Variants in AZI2 observed in about 807,000 individuals in gnomAD.
The protein encoded by AZI2 is 5-azacytidine-induced protein 2.
In AZI2, 22 loss-of-function variants were observed where a neutral mutation model predicts 45.8. That is an observed-to-expected ratio of 0.48 (90% CI 0.34 to 0.69). The LOEUF (loss-of-function observed/expected upper bound fraction) is 0.69. AZI2 is among the 30% of genes least tolerant of loss of function. The pLI is 0.01. For synonymous variants in AZI2, 137 were observed against 156.7 expected (o/e 0.87, Z 0.94); for missense variants, 417 against 441.5 (o/e 0.94, Z 0.50).
intron 4 of AZI2, among the ~76,000 whole-genome samples, chr3:28,337,396 C>T (rs1295456978): frequency 1.3e-5 from 2 of 152,104 alleles, no homozygotes; most frequent in Admixed American, 1.3e-4. Context: ...TAAGAGATTG[C>T]ATCTCAATCT....
intron 7 of AZI2, among the ~76,000 whole-genome samples, chr3:28,325,686 T>C (rs2125636960): frequency 6.6e-6 from 1 of 151,240 alleles, no homozygotes; most frequent in East Asian, 1.9e-4. Flanking sequence ...GGTAGTTCTA[T>C]TTATCATGTA....
Position 28,323,419 on chromosome 3 carries a change from A to T in AZI2, c.*623T>A, listed in dbSNP as rs1282214454. The T allele has an allele frequency of 6.7e-6, 1 of 148,398 alleles. No homozygotes were observed. Among genetic ancestry groups the T allele is most frequent in the Admixed American group, 6.8e-5 (1 of 14,718 alleles). 9.2% of individuals were successfully genotyped at this position (148,398 alleles called of 1,614,324 possible). On this transcript the variant is annotated 3_prime_UTR_variant, in exon 8 of 8. Coordinates refer to ENST00000479665, the MANE Select transcript of AZI2 (RefSeq NM_022461.5). ...TGCTGGGACAAAGTTGGCTTCAGTG[A>T]TCAGGTTGTTTCAAGTCTTAGAATT...
intron 4 of AZI2, among the ~76,000 whole-genome samples, chr3:28,337,661 T>A (rs908383867): frequency 6.6e-6 from 1 of 152,178 alleles, no homozygotes; most frequent in South Asian, 2.1e-4. Context: ...TACTTCTTGC[T>A]TCTGGGCTTC....
intron 5 of AZI2, 129 bp downstream of exon 5, chr3:28,336,608 A>C: frequency 9.8e-7 from 1 of 1,020,680 alleles, no homozygotes; most frequent in Admixed American, 3.2e-5. Flanking sequence ...AGAATTTTTT[A>C]AGGAATAGAA....
chr3:28,341,899 G>C (rs980766573), intron 1 of AZI2, among the ~76,000 whole-genome samples: 3 of 152,020 alleles, frequency 2.0e-5, no homozygotes, highest in African/African-American at 4.8e-5. Flanking sequence ...AAGAAACTGA[G>C]GTAGGAGGAA....
intron 7 of AZI2, chr3:28,324,951 G>A (rs1703328456): frequency 6.6e-6 from 1 of 150,918 alleles, no homozygotes; most frequent in African/African-American, 2.4e-5. Context: ...TCCACAGGCA[G>A]TCCAAAAGCA....
intron 1 of AZI2, among the ~76,000 whole-genome samples, chr3:28,347,520 C>T (rs1312355254): frequency 2.6e-5 from 4 of 151,990 alleles, no homozygotes; most frequent in Admixed American, 2.0e-4. Flanking sequence ...TGCTTTGGTG[C>T]CTTAGAGTAT....
At chr3:28,340,721 G>A (rs1334101838) in intron 1 of AZI2, 99 bp from the exon 2 acceptor site, 2 of 938,830 alleles carry the variant, frequency 2.1e-6, no homozygotes, top group East Asian at 2.6e-5. Context: ...CTAGGACAAT[G>A]TTTAAAAACC....
At chr3:28,336,153 T>G (rs937055792) in intron 5 of AZI2, among the ~76,000 whole-genome samples, 1 of 152,054 alleles carries the variant, frequency 6.6e-6, no homozygotes, top group Non-Finnish European at 1.5e-5. Context: ...GTTTTAGTGG[T>G]TGACTTCAGG....
chr3:28,342,711 G>GCACACA (rs71087691), intron 1 of AZI2, among the ~76,000 whole-genome samples: 240 of 147,582 alleles, frequency 1.6e-3, no homozygotes, highest in African/African-American at 5.3e-3. Context: ...TCTTACACAT[G>GCACACA]CACACACACA....
In AZI2 at chr3:28,342,940, T is replaced by C. The variant is rs907559561; in HGVS notation, c.-5-2318A>G. Reference sequence around the variant, plus strand: ...AGACAGCTGAAAACAAGAAATAACATAAACTGCTCTGCGAAGTCAAAAACA... The same window carrying C: ...AGACAGCTGAAAACAAGAAATAACACAAACTGCTCTGCGAAGTCAAAAACA... On this transcript the variant is annotated intron_variant, in intron 1 of 7. Coordinates refer to ENST00000479665, the MANE Select transcript of AZI2 (RefSeq NM_022461.5). Among the ~76,000 whole-genome samples the C allele has an allele frequency of 4.6e-5, 7 of 152,156 alleles. No individual in the cohort carries two copies. In the East Asian group the frequency reaches 1.2e-3, roughly 25 times the overall value.
chr3:28,336,804 T>G lies in AZI2; in HGVS notation c.521A>C (p.Gln174Pro). The change falls in exon 5 of 8, where the codon CAA becomes CCA. Residue 174 changes from glutamine to proline, a missense_variant. Coordinates refer to ENST00000479665, the MANE Select transcript of AZI2 (RefSeq NM_022461.5). Reference protein sequence around the residue: ...SCDLKIHGLEQELELMRKECS... With the variant: ...SCDLKIHGLEPELELMRKECS... ...TTCTTTCCTCATCAGTTCCAGCTCT[T>G]GTTCCAAACCATGGATCTTCAGGTC... 1 of 1,613,516 alleles carries G rather than the reference T, an allele frequency of 6.2e-7. No homozygotes were observed. Among genetic ancestry groups the G allele is most frequent in the East Asian group, 2.2e-5 (1 of 44,822 alleles).
chr3:28,345,915 A>T (rs1445537602), intron 1 of AZI2, among the ~76,000 whole-genome samples: 1 of 152,042 alleles, frequency 6.6e-6, no homozygotes, highest in African/African-American at 2.4e-5. Flanking sequence ...CATCATCTTT[A>T]TATCTGCCAT....
At chr3:28,339,781 C>T (rs1021567452) in intron 2 of AZI2, among the ~76,000 whole-genome samples, 1 of 151,996 alleles carries the variant, frequency 6.6e-6, no homozygotes, top group Non-Finnish European at 1.5e-5. Context: ...AACTTTAAAA[C>T]TCAAAAATAA....
intron 1 of AZI2, among the ~76,000 whole-genome samples, chr3:28,347,075 C>T (rs1577147204): frequency 6.6e-6 from 1 of 152,116 alleles, no homozygotes; most frequent in Non-Finnish European, 1.5e-5. Flanking sequence ...AGTAATACCT[C>T]TAATGCAACT....
chr3:28,324,271 T>A lies in AZI2; in HGVS notation c.950A>T (p.Gln317Leu). The A allele has an allele frequency of 6.2e-7, 1 of 1,609,190 alleles. No homozygotes were observed. Among genetic ancestry groups the A allele is most frequent in the East Asian group, 2.2e-5 (1 of 44,786 alleles). ...VKVLSEKAILQSWTDNERSIP... is the reference protein window; with the variant it reads ...VKVLSEKAILLSWTDNERSIP... The stretch of plus-strand genomic sequence containing the variant: ...GGATCTCTCATTGTCTGTCCATGAT[T>A]GGAGGATTGCTTTCTCTGATAAAAC... Residue 317 changes from glutamine (Q) to leucine (L), a missense_variant, in exon 8 of 8, where the codon CAA (glutamine) becomes CTA (leucine). By Grantham distance (113) the Gln-to-Leu change is moderately radical (BLOSUM62 -2). Coordinates refer to ENST00000479665, the MANE Select transcript of AZI2 (RefSeq NM_022461.5).
chr3:28,347,341 A>G (rs1265057023), intron 1 of AZI2, among the ~76,000 whole-genome samples: 1 of 152,194 alleles, frequency 6.6e-6, no homozygotes, highest in East Asian at 1.9e-4. Flanking sequence ...AAACTATCTC[A>G]TTTGTTCTTC....
chr3:28,331,399 T>TA (rs1703564246), intron 6 of AZI2, among the ~76,000 whole-genome samples: 1 of 151,568 alleles, frequency 6.6e-6, no homozygotes, highest in African/African-American at 2.4e-5. Context: ...GCAGTAAACT[T>TA]AGATAAAATT....
chr3:28,340,305 C>T (rs1238194064), intron 2 of AZI2, 97 bp downstream of exon 2: 11 of 829,622 alleles, frequency 1.3e-5, no homozygotes, highest in Non-Finnish European at 2.1e-5. Flanking sequence ...AAATTTAGTA[C>T]AATCATGGAA....
Sources: allele counts gnomAD v4.1 joint callset (sites outside exome capture counted in the v4.1 genomes callset), GRCh38; gene constraint gnomAD v4.1.1; transcripts MANE v1.5; gene names NCBI Gene and HGNC (gene_info 2026-07-23, HGNC 2026-07-21).